The following ITGA9 variants were observed in gnomAD, a reference collection of about 807,000 sequenced individuals.
The protein encoded by ITGA9 is integrin subunit alpha 9, also known as integrin alpha-9.
Under a neutral mutation model 127.8 loss-of-function variants are expected in ITGA9, and 56 were observed. The observed-to-expected ratio is 0.44, with a 90% CI of 0.35 to 0.55. The LOEUF (loss-of-function observed/expected upper bound fraction) is 0.55, where lower values mean the gene tolerates loss of function less well. Among genes scored for constraint, ITGA9 ranks in the 20% least tolerant of loss-of-function variants. The pLI, the probability that ITGA9 is intolerant of heterozygous loss-of-function variation, is 0.00. For synonymous variants in ITGA9, 508 were observed against 514.5 expected (o/e 0.99, Z 0.17); for missense variants, 1,196 against 1,347.1 (o/e 0.89, Z 1.76).
intron 16 of ITGA9, among the ~76,000 whole-genome samples, chr3:37,631,318 T>A (rs1700228751): frequency 6.6e-6 from 1 of 152,230 alleles, no homozygotes; most frequent in Admixed American, 6.5e-5. Context: ...AGTCTGTCAG[T>A]GGCACAGATG....
intron 17 of ITGA9, among the ~76,000 whole-genome samples, chr3:37,674,126 G>A (rs1442689040): frequency 1.3e-5 from 2 of 152,194 alleles, no homozygotes; most frequent in Non-Finnish European, 2.9e-5. Flanking sequence ...TTTTGAGAAT[G>A]GGCTTTTATA....
At chr3:37,681,492 AAG>A (rs1428075693) in intron 17 of ITGA9, among the ~76,000 whole-genome samples, 1 of 152,198 alleles carries the variant, frequency 6.6e-6, no homozygotes. Context: ...AGTGATCAAG[AAG>A]AGGGGAAAGA....
chr3:37,614,270 G>A (rs1337909872), intron 15 of ITGA9, among the ~76,000 whole-genome samples: 4 of 152,118 alleles, frequency 2.6e-5, no homozygotes, highest in African/African-American at 9.7e-5. Context: ...AGATCAGATA[G>A]TTGTAGATAT....
intron 3 of ITGA9, among the ~76,000 whole-genome samples, chr3:37,473,683 T>A (rs1698461229): frequency 1.3e-5 from 2 of 152,232 alleles, no homozygotes; most frequent in Admixed American, 1.3e-4. Flanking sequence ...ATAAAACATA[T>A]GTGAAAAGTG....
chr3:37,572,498 C>G (rs1160165872), intron 15 of ITGA9, among the ~76,000 whole-genome samples: 1 of 152,180 alleles, frequency 6.6e-6, no homozygotes, highest in East Asian at 1.9e-4. Flanking sequence ...AATTTCCTCA[C>G]CTCTAAAGTT....
intron 18 of ITGA9, among the ~76,000 whole-genome samples, chr3:37,697,247 A>G (rs1700894211): frequency 6.6e-6 from 1 of 151,878 alleles, no homozygotes; most frequent in Non-Finnish European, 1.5e-5. Context: ...TCCAGTAGTC[A>G]TTTTTCAGTC....
chr3:37,642,676 G>A (rs1332003791), intron 16 of ITGA9, among the ~76,000 whole-genome samples: 2 of 152,232 alleles, frequency 1.3e-5, no homozygotes, highest in African/African-American at 4.8e-5. Context: ...ATATACAGCT[G>A]GTGAAAGAAA....
At chr3:37,793,224 C>G (rs1338929603) in intron 26 of ITGA9, among the ~76,000 whole-genome samples, 2 of 152,032 alleles carry the variant, frequency 1.3e-5, no homozygotes, top group East Asian at 1.9e-4. Context: ...TCCATACCCC[C>G]TCACTGGACC....
At chr3:37,518,091 C>CGTGTGTGTGTGTGTGTGTGTGTGTGTGT (rs1491416800) in intron 10 of ITGA9, among the ~76,000 whole-genome samples, 1 of 51,850 alleles carries the variant, frequency 1.9e-5, no homozygotes, top group Non-Finnish European at 4.4e-5. Flanking sequence ...TGAGAGTGTA[C>CGTGTGTGTGTGTGTGTGTGTGTGTGTGT]GCGTGTGTGT....
chr3:37,622,371 G>C (rs560517046), intron 15 of ITGA9, among the ~76,000 whole-genome samples: 1 of 152,126 alleles, frequency 6.6e-6, no homozygotes, highest in Non-Finnish European at 1.5e-5. Context: ...TTAGAGGTGT[G>C]AGCCACCGTG....
intron 18 of ITGA9, among the ~76,000 whole-genome samples, chr3:37,731,435 C>T (rs1696291602): frequency 1.3e-5 from 2 of 152,168 alleles, no homozygotes; most frequent in Admixed American, 1.3e-4. Flanking sequence ...GAAAACTAAT[C>T]ATCATTGAGA....
intron 8 of ITGA9, among the ~76,000 whole-genome samples, chr3:37,511,848 C>T (rs1387515064): frequency 6.6e-6 from 1 of 152,208 alleles, no homozygotes; most frequent in African/African-American, 2.4e-5. Flanking sequence ...CTCCCTCAAA[C>T]TCCCTGGGTC....
Position 37,452,641 on chromosome 3 carries a change from G to T in ITGA9, c.185+82G>T. The T allele has an allele frequency of 8.0e-7, 1 of 1,250,086 alleles. No individual in the cohort carries two copies. Among genetic ancestry groups the T allele is most frequent in the Non-Finnish European group, 1.1e-6 (1 of 948,700 alleles). The allele number at this position is 1,250,086 out of a possible 1,614,324, so 77.4% of individuals were successfully genotyped here. ...AGGCCAGCGCCGCCGCCGCCTTTCC[G>T]GTCTCTTCCACGCCGCCGTCCCGAG... On this transcript the variant is annotated intron_variant, in intron 1 of 27. Coordinates refer to ENST00000264741, the MANE Select transcript of ITGA9 (RefSeq NM_002207.3). This position sits in a 1 kb window ranked among gnomAD's most constrained non-coding sequence, Gnocchi z 7.3.
intron 17 of ITGA9, among the ~76,000 whole-genome samples, chr3:37,679,607 A>G (rs1700715882): frequency 6.6e-6 from 1 of 151,780 alleles, no homozygotes; most frequent in South Asian, 2.1e-4. Context: ...TGGGGATGTC[A>G]TGGATGTTCA....
chr3:37,541,976 G>C (rs1244295530), intron 14 of ITGA9, among the ~76,000 whole-genome samples: 2 of 152,184 alleles, frequency 1.3e-5, no homozygotes, highest in Non-Finnish European at 2.9e-5. Flanking sequence ...TGGTTCCCTT[G>C]TGTTGGGCAT....
chr3:37,527,562 A>T (rs1699105259), intron 13 of ITGA9, among the ~76,000 whole-genome samples: 1 of 152,104 alleles, frequency 6.6e-6, no homozygotes, highest in South Asian at 2.1e-4. Flanking sequence ...TTCCCATGTG[A>T]CTGGATTTTC....
At chr3:37,563,519 C>T (rs1478138719) in intron 15 of ITGA9, among the ~76,000 whole-genome samples, 2 of 152,186 alleles carry the variant, frequency 1.3e-5, no homozygotes, top group Admixed American at 1.3e-4. Context: ...TCCCACCTCC[C>T]CATTCTGGAT....
At chr3:37,772,417 A>C (rs1305227869) in intron 23 of ITGA9, among the ~76,000 whole-genome samples, 4 of 151,992 alleles carry the variant, frequency 2.6e-5, no homozygotes, top group Non-Finnish European at 4.4e-5. Context: ...CAAAAAAAAA[A>C]CAAAAATGTG....
At chr3:37,696,505 C>T (rs1700886767) in intron 18 of ITGA9, among the ~76,000 whole-genome samples, 1 of 152,208 alleles carries the variant, frequency 6.6e-6, no homozygotes, top group African/African-American at 2.4e-5. Flanking sequence ...GCCACAGCTC[C>T]ATACTAGGTC....
Sources: gnomAD v4.1 joint callset for allele counts (sites outside exome capture counted in the v4.1 genomes callset) on GRCh38, gnomAD v4.1.1 for gene constraint, Gnocchi (gnomAD v3.1) non-coding constraint, MANE v1.5 for transcripts, NCBI Gene and HGNC (gene_info 2026-07-23, HGNC 2026-07-21) for gene names.